CAPZB: variants seen among roughly 807,000 people sequenced by gnomAD.
The protein encoded by CAPZB is capping actin protein of muscle Z-line subunit beta.
A neutral mutation model predicts 38.1 loss-of-function variants in CAPZB; 2 were observed. That is an observed-to-expected ratio of 0.05 (90% CI 0.02 to 0.17). CAPZB has a LOEUF of 0.17. CAPZB is among the 10% of genes least tolerant of loss of function. The probability of loss-of-function intolerance (pLI) is 1.00; values close to 1 mark genes in which losing one functional copy is unlikely to be tolerated. For synonymous variants in CAPZB, 107 were observed against 127.4 expected (o/e 0.84, Z 1.08); for missense variants, 161 against 334.2 (o/e 0.48, Z 4.04).
intron 2 of CAPZB, among the ~76,000 whole-genome samples, chr1:19,395,886 G>A (rs1016172806): frequency 3.3e-5 from 5 of 152,198 alleles, no homozygotes; most frequent in South Asian, 2.1e-4. Flanking sequence ...CCAGCCAGCC[G>A]GCAGGAGAAG....
chr1:19,396,867 C>T (rs1194477325), intron 2 of CAPZB, among the ~76,000 whole-genome samples: 2 of 151,428 alleles, frequency 1.3e-5, no homozygotes, highest in Admixed American at 6.6e-5. Context: ...GGAGGAGAAT[C>T]GCTTGAACCT....
intron 4 of CAPZB, among the ~76,000 whole-genome samples, chr1:19,363,845 G>A (rs214306): frequency 2.6e-3 from 397 of 152,256 alleles, no homozygotes; most frequent in African/African-American, 9.0e-3. Context: ...AGCTGGATTC[G>A]TGGCTCGAAT....
At chr1:19,339,880 T>C (rs1184085508) in intron 8 of CAPZB, among the ~76,000 whole-genome samples, 1 of 152,214 alleles carries the variant, frequency 6.6e-6, no homozygotes, top group Non-Finnish European at 1.5e-5. Flanking sequence ...TCTCTGCCCC[T>C]GGCCACCGGT....
At chr1:19,397,362 A>G (rs1351074337) in intron 2 of CAPZB, among the ~76,000 whole-genome samples, 2 of 152,194 alleles carry the variant, frequency 1.3e-5, no homozygotes, top group African/African-American at 4.8e-5. Flanking sequence ...CAGGGGTGTT[A>G]TTATCCCACA....
At chr1:19,381,370 G>A (rs1288882465) in intron 3 of CAPZB, among the ~76,000 whole-genome samples, 1 of 151,842 alleles carries the variant, frequency 6.6e-6, no homozygotes, top group Non-Finnish European at 1.5e-5. Flanking sequence ...ACTGCAAGAG[G>A]TCTTTGACAG....
At chr1:19,342,944 G>A in intron 8 of CAPZB, 1 of 888,702 alleles carries the variant, frequency 1.1e-6, no homozygotes, top group South Asian at 1.3e-5. Context: ...CCACAGCTGA[G>A]GAGGAAATTC....
At chr1:19,384,247 T>G (rs1195516632) in intron 3 of CAPZB, among the ~76,000 whole-genome samples, 1 of 152,052 alleles carries the variant, frequency 6.6e-6, no homozygotes, top group Non-Finnish European at 1.5e-5. Flanking sequence ...CCGCCCCCAC[T>G]GCCCTCCCCT....
intron 2 of CAPZB, among the ~76,000 whole-genome samples, chr1:19,400,957 G>A (rs1342210669): frequency 6.6e-6 from 1 of 152,096 alleles, no homozygotes; most frequent in Non-Finnish European, 1.5e-5. Flanking sequence ...TAGCACTGTT[G>A]CACATTGAAC....
chr1:19,438,817 C>T (rs1262583115), intron 1 of CAPZB, among the ~76,000 whole-genome samples: 1 of 152,230 alleles, frequency 6.6e-6, no homozygotes, highest in East Asian at 1.9e-4. Context: ...GCGTGACTCC[C>T]CACCGGGGCC....
At chr1:19,365,462 C>G (rs749905792) in intron 4 of CAPZB, among the ~76,000 whole-genome samples, 1 of 152,208 alleles carries the variant, frequency 6.6e-6, no homozygotes, top group Non-Finnish European at 1.5e-5. Flanking sequence ...GTGAAGGCTT[C>G]TGTGGAGAAA....
rs1236134422 is a variant in CAPZB, at chr1:19,356,563, T to C, written c.588+72A>G. 2 of 950,760 alleles carry C rather than the reference T, an allele frequency of 2.1e-6. No homozygotes were observed. Among genetic ancestry groups the C allele is most frequent in the Non-Finnish European group, 3.5e-6 (2 of 574,500 alleles). The allele number at this position is 950,760 out of a possible 1,614,324, so 58.9% of individuals were successfully genotyped here. ...TACCCTAAATGGGGCACCTGCTCACTCATCTCTGCAGGTCAGCACTGAGGC... is the reference window on the plus strand; with the variant it reads ...TACCCTAAATGGGGCACCTGCTCACCCATCTCTGCAGGTCAGCACTGAGGC... On this transcript the variant is annotated intron_variant, in intron 6 of 8. Coordinates refer to ENST00000264202, the MANE Select transcript of CAPZB (RefSeq NM_004930.5). This position sits in a 1 kb window ranked among gnomAD's most constrained non-coding sequence, Gnocchi z 4.3.
chr1:19,378,713 A>G, intron 3 of CAPZB, 60 bp from the exon 4 acceptor site: 1 of 925,966 alleles, frequency 1.1e-6, no homozygotes, highest in Non-Finnish European at 1.7e-6. Context: ...ACGGCCAGCG[A>G]GCAGGGAGCC....
At chr1:19,410,104 G>C (rs2094350887) in intron 2 of CAPZB, among the ~76,000 whole-genome samples, 1 of 152,192 alleles carries the variant, frequency 6.6e-6, no homozygotes, top group South Asian at 2.1e-4. Context: ...GTCTGTTTCT[G>C]AGAATTCTGA....
chr1:19,466,959 G>C (rs2094571075), intron 1 of CAPZB, among the ~76,000 whole-genome samples: 1 of 152,084 alleles, frequency 6.6e-6, no homozygotes, highest in Non-Finnish European at 1.5e-5. Context: ...TGGAATGCAG[G>C]AGTTATTCAT....
rs2094352589 is a variant in CAPZB, at chr1:19,410,473, A to G, written c.93+9188T>C. Among the ~76,000 whole-genome samples the G allele has an allele frequency of 2.0e-5, 3 of 152,330 alleles. No individual in the cohort carries two copies. The South Asian group carries it at 6.2e-4, about 32-fold the overall frequency. On this transcript the variant is annotated intron_variant, in intron 2 of 8. Coordinates refer to ENST00000264202, the MANE Select transcript of CAPZB (RefSeq NM_004930.5). The stretch of plus-strand genomic sequence containing the variant: ...CTTTCCCCCCAAACACACACAATGC[A>G]AAGTGTGTATGGGTGGGGGGTGGTG...
intron 1 of CAPZB, among the ~76,000 whole-genome samples, chr1:19,450,160 A>G (rs199806906): frequency 1.2e-3 from 100 of 82,914 alleles, no homozygotes; most frequent in South Asian, 1.4e-3. Flanking sequence ...AAAAAAAAAA[A>G]AAAAAAAAAG....
At chr1:19,393,957 C>T (rs568408411) in intron 2 of CAPZB, among the ~76,000 whole-genome samples, 1 of 152,312 alleles carries the variant, frequency 6.6e-6, no homozygotes, top group East Asian at 1.9e-4. Context: ...GGTCCAGCCT[C>T]TCTCCTCTTT....
intron 8 of CAPZB, among the ~76,000 whole-genome samples, chr1:19,343,668 G>A (rs2100235982): frequency 6.6e-6 from 1 of 152,346 alleles, no homozygotes; most frequent in African/African-American, 2.4e-5. Context: ...GCCCCCAGCT[G>A]GGCTCTGGCC....
At chr1:19,472,538 G>C (rs1037814680) in intron 1 of CAPZB, among the ~76,000 whole-genome samples, 3 of 152,042 alleles carry the variant, frequency 2.0e-5, no homozygotes, top group African/African-American at 7.2e-5. Context: ...TCCAGAGTCT[G>C]CCTGGATGTG....
Sources: gnomAD v4.1 joint callset for allele counts (sites outside exome capture counted in the v4.1 genomes callset) on GRCh38, gnomAD v4.1.1 for gene constraint, Gnocchi (gnomAD v3.1) non-coding constraint, MANE v1.5 for transcripts, NCBI Gene and HGNC (gene_info 2026-07-23, HGNC 2026-07-21) for gene names.